Variants in RBMS1 observed in about 807,000 individuals in gnomAD.
The protein encoded by RBMS1 is RNA-binding motif, single-stranded-interacting protein 1.
RBMS1 carries 17 observed loss-of-function variants against 62.3 expected under a neutral mutation model. The observed-to-expected ratio is 0.27, with a 90% confidence interval of 0.19 to 0.41. The LOEUF (loss-of-function observed/expected upper bound fraction) is 0.41, where lower values mean the gene tolerates loss of function less well. RBMS1 is among the 10% of genes least tolerant of loss of function. The pLI is 1.00. For synonymous variants in RBMS1, 172 were observed against 170.0 expected (o/e 1.01, Z -0.09); for missense variants, 334 against 504.5 (o/e 0.66, Z 3.24).
intron 4 of RBMS1, among the ~76,000 whole-genome samples, chr2:160,311,396 T>C (rs1689908049): frequency 6.6e-6 from 1 of 151,870 alleles, no homozygotes. Context: ...GAAATCTTTA[T>C]GTTGATTCTT....
chr2:160,344,843 A>G (rs1052208710), intron 2 of RBMS1, among the ~76,000 whole-genome samples: 1 of 152,164 alleles, frequency 6.6e-6, no homozygotes, highest in African/African-American at 2.4e-5. Context: ...TAGATGCCCA[A>G]TAAAAGCTTA....
At chr2:160,438,833 C>T (rs1245215823) in intron 1 of RBMS1, among the ~76,000 whole-genome samples, 2 of 151,992 alleles carry the variant, frequency 1.3e-5, no homozygotes, top group Non-Finnish European at 2.9e-5. Flanking sequence ...CCAGTAGGCG[C>T]GGCCGGGCAG....
chr2:160,459,320 C>A (rs1363013084), intron 1 of RBMS1, among the ~76,000 whole-genome samples: 1 of 152,066 alleles, frequency 6.6e-6, no homozygotes, highest in African/African-American at 2.4e-5. Flanking sequence ...AACAGGACAC[C>A]ACACAAAGTA....
At chr2:160,296,562 C>T (rs545098106) in intron 6 of RBMS1, among the ~76,000 whole-genome samples, 43 of 152,288 alleles carry the variant, frequency 2.8e-4, no homozygotes, top group Non-Finnish European at 5.3e-4. Flanking sequence ...ACGTGCACAG[C>T]CTTGGAGAAA....
intron 4 of RBMS1, among the ~76,000 whole-genome samples, chr2:160,305,681 C>T (rs1031235412): frequency 3.9e-5 from 6 of 152,030 alleles, no homozygotes; most frequent in Admixed American, 2.6e-4. Context: ...AAAAATAGGG[C>T]GGTTTTGGCG....
At chr2:160,290,621 T>G (rs571674430) in intron 6 of RBMS1, among the ~76,000 whole-genome samples, 1 of 152,310 alleles carries the variant, frequency 6.6e-6, no homozygotes, top group Non-Finnish European at 1.5e-5. Flanking sequence ...GGGATTCTCA[T>G]TCTCATCACC....
At chr2:160,341,284 A>G (rs1377463370) in intron 2 of RBMS1, among the ~76,000 whole-genome samples, 1 of 152,180 alleles carries the variant, frequency 6.6e-6, no homozygotes, top group Non-Finnish European at 1.5e-5. Flanking sequence ...TATTGTTTCC[A>G]ATGTTTTGGT....
intron 1 of RBMS1, among the ~76,000 whole-genome samples, chr2:160,476,636 G>A (rs912957154): frequency 1.4e-5 from 2 of 140,468 alleles, no homozygotes; most frequent in Non-Finnish European, 3.0e-5. Flanking sequence ...CTCACTGCAA[G>A]CTCCGCCTCC....
intron 1 of RBMS1, among the ~76,000 whole-genome samples, chr2:160,438,451 G>T (rs1453927790): frequency 6.6e-6 from 1 of 151,672 alleles, no homozygotes; most frequent in Non-Finnish European, 1.5e-5. Flanking sequence ...ATTAGGGAGT[G>T]GTGATGACTC....
chr2:160,443,705 C>T (rs1393032240), intron 1 of RBMS1, among the ~76,000 whole-genome samples: 2 of 152,224 alleles, frequency 1.3e-5, no homozygotes, highest in Non-Finnish European at 2.9e-5. Context: ...GTCTGCAGAA[C>T]TGTGAACCAA....
intron 1 of RBMS1, among the ~76,000 whole-genome samples, chr2:160,448,417 G>A (rs1683766654): frequency 6.6e-6 from 1 of 152,100 alleles, no homozygotes; most frequent in South Asian, 2.1e-4. Context: ...GCCTCAGCCT[G>A]CAGAGTGCCT....
chr2:160,421,335 C>G (rs1696417631), intron 1 of RBMS1, among the ~76,000 whole-genome samples: 1 of 147,258 alleles, frequency 6.8e-6, no homozygotes, highest in African/African-American at 2.5e-5. Context: ...GTGTGATGTT[C>G]CCCTTCCTGT....
chr2:160,461,456 TGGAG>T (rs1684461617), intron 1 of RBMS1, among the ~76,000 whole-genome samples: 1 of 152,164 alleles, frequency 6.6e-6, no homozygotes, highest in African/African-American at 2.4e-5. Context: ...TTCCAGTAAG[TGGAG>T]GGACAGGAAT....
chr2:160,395,255 C>T, intron 1 of RBMS1, among the ~76,000 whole-genome samples: 1 of 152,198 alleles, frequency 6.6e-6, no homozygotes, highest in East Asian at 1.9e-4. Context: ...CACTTTCAAC[C>T]TTTAATAGAA....
At position 160,367,085 on chromosome 2, in the gene RBMS1, T is replaced by C. The variant is rs1693439377; in HGVS notation, c.251+131A>G. The C allele has an allele frequency of 5.7e-6, 5 of 874,158 alleles. No individual in the cohort carries two copies. The African/African-American group carries it at 8.4e-5, about 15-fold the overall frequency. 54.2% of individuals were successfully genotyped at this position (874,158 alleles called of 1,614,324 possible). A position where few individuals can be genotyped will look rare whatever the true frequency, so the allele number is the denominator to read the frequency against. On this transcript the variant is annotated intron_variant, in intron 2 of 13. Transcript: ENST00000348849. ...TTAAGAAGTTAAAACTTGAAACCCA[T>C]TTTATTGTTGTGACACTGAGAGTCC...
rs1001330382 is a variant in RBMS1, at chr2:160,378,619, A to C, written c.76-11228T>G. 7.5e-5 allele frequency among the ~76,000 whole-genome samples: 5 copies of C among 66,722 alleles called. No homozygotes were observed. In the East Asian group the frequency reaches 5.4e-3, roughly 71 times the overall value. 43.8% of individuals were successfully genotyped at this position (66,722 alleles called of 152,430 possible). A position where few individuals can be genotyped will look rare whatever the true frequency, so the allele number is the denominator to read the frequency against. ...GCACCAAAGTAAGACTCTATCTATA[A>C]AAAAAAAAAAAAAGCACTTTGATGC... is the stretch of plus-strand genomic sequence containing the variant. On this transcript the variant is annotated intron_variant, in intron 1 of 13. Transcript: ENST00000348849.
intron 2 of RBMS1, among the ~76,000 whole-genome samples, chr2:160,348,396 T>C (rs1322548138): frequency 1.3e-5 from 2 of 152,166 alleles, no homozygotes; most frequent in Admixed American, 6.5e-5. Flanking sequence ...TTTATGTATG[T>C]AGCATGTATA....
At chr2:160,396,801 A>T (rs1325668031) in intron 1 of RBMS1, among the ~76,000 whole-genome samples, 1 of 151,786 alleles carries the variant, frequency 6.6e-6, no homozygotes, top group Non-Finnish European at 1.5e-5. Context: ...CTGACCTCGT[A>T]ATCCGCCCAC....
intron 1 of RBMS1, among the ~76,000 whole-genome samples, chr2:160,476,258 C>T (rs910105363): frequency 6.6e-6 from 1 of 152,050 alleles, no homozygotes; most frequent in South Asian, 2.1e-4. Context: ...TATGTGACAA[C>T]GACAAACTAA....
Sources: allele counts gnomAD v4.1 joint callset (sites outside exome capture counted in the v4.1 genomes callset), GRCh38; gene constraint gnomAD v4.1.1; transcripts MANE v1.5; gene names NCBI Gene and HGNC (gene_info 2026-07-23, HGNC 2026-07-21).